The following FANK1 variants were observed in gnomAD, a reference collection of about 807,000 sequenced individuals.
FANK1 encodes fibronectin type 3 and ankyrin repeat domains protein 1.
FANK1 carries 44 observed loss-of-function variants against 45.3 expected under a neutral mutation model. The observed-to-expected ratio is 0.97, with a 90% CI of 0.76 to 1.25. FANK1 has a LOEUF of 1.25. Ranked by LOEUF, FANK1 falls within the 50% of genes most tolerant of loss-of-function variation. The pLI, the probability that FANK1 is intolerant of heterozygous loss-of-function variation, is 0.00. For missense variants in FANK1, 391 were observed against 424.4 expected, an observed-to-expected ratio of 0.92 and a Z score of 0.69; for synonymous variants, 149 against 152.5, an observed-to-expected ratio of 0.98 and a Z score of 0.17.
chr10:125,996,600 T>C lies in FANK1; in HGVS notation c.449T>C (p.Val150Ala), dbSNP rs376379168. ...PNKFGFTALM[V>A]AAQKGYTRLV... ...AAGTTTGGCTTTACCGCTCTGATGG[T>C]TGCTGCCCAGAAAGGATACACCAGG... Residue 150 changes from valine to alanine, a missense_variant, in exon 5 of 11, where the codon GTT becomes GCT. By Grantham distance (64) the Val-to-Ala change is moderately conservative. Transcript: ENST00000368693. 45 of 1,614,104 alleles carry C rather than the reference T, an allele frequency of 2.8e-5. No homozygotes were observed. Among genetic ancestry groups the C allele is most frequent in the African/African-American group, 6.7e-5 (5 of 74,938 alleles).
intron 1 of FANK1, among the ~76,000 whole-genome samples, chr10:125,899,778 A>C (rs1944884950): frequency 2.0e-5 from 3 of 152,178 alleles, no homozygotes; most frequent in Non-Finnish European, 4.4e-5. Context: ...GTTTATGCCG[A>C]TATTATCTAA....
intron 1 of FANK1, among the ~76,000 whole-genome samples, chr10:125,979,464 G>A (rs56266020): frequency 0.4 from 60,394 of 152,010 alleles, 12,187 homozygotes; most frequent in South Asian, 0.46. Context: ...CTAAAAAGGC[G>A]ATAATTCATA....
At chr10:125,979,101 G>A (rs115632046) in intron 1 of FANK1, among the ~76,000 whole-genome samples, 9 of 152,130 alleles carry the variant, frequency 5.9e-5, no homozygotes, top group African/African-American at 2.2e-4. Flanking sequence ...ATGGTTTCTG[G>A]GTCGCTCATT....
chr10:125,984,677 G>T, intron 2 of FANK1, among the ~76,000 whole-genome samples: 1 of 152,194 alleles, frequency 6.6e-6, no homozygotes, highest in Non-Finnish European at 1.5e-5. Flanking sequence ...TTCTGGGGGA[G>T]GGAGTTTAGA....
chr10:125,997,751 G>A (rs1031091861), intron 6 of FANK1, among the ~76,000 whole-genome samples: 8 of 152,218 alleles, frequency 5.3e-5, no homozygotes, highest in East Asian at 1.9e-4. Flanking sequence ...CAGTGGACAC[G>A]CAGTGCACGG....
At chr10:126,006,461 G>C (rs1229439771) in intron 7 of FANK1, among the ~76,000 whole-genome samples, 3 of 152,222 alleles carry the variant, frequency 2.0e-5, no homozygotes, top group African/African-American at 7.2e-5. Flanking sequence ...ATGTGTGGTA[G>C]TGACAGCCAC....
At chr10:125,920,611 C>T (rs201291092) in intron 1 of FANK1, among the ~76,000 whole-genome samples, 1 of 152,060 alleles carries the variant, frequency 6.6e-6, no homozygotes, top group South Asian at 2.1e-4. Context: ...AAATAATGAT[C>T]GTAGATAGAT....
intron 9 of FANK1, 37 bp from the exon 10 acceptor site, chr10:126,009,181 CATTT>C (rs746746090): frequency 3.7e-6 from 6 of 1,614,084 alleles, no homozygotes; most frequent in Admixed American, 1.7e-5. Context: ...GGGGAGAAAA[CATTT>C]ATAAGCATGT....
intron 1 of FANK1, among the ~76,000 whole-genome samples, chr10:125,953,529 G>A (rs1200301875): frequency 1.3e-5 from 2 of 152,276 alleles, no homozygotes; most frequent in East Asian, 3.9e-4. Flanking sequence ...TGGAGAATGA[G>A]TTCCTATGCG....
intron 4 of FANK1, 76 bp downstream of exon 4, chr10:125,995,574 T>C (rs1363245336): frequency 7.1e-7 from 1 of 1,415,000 alleles, no homozygotes; most frequent in African/African-American, 1.4e-5. Context: ...TAGTTTCATT[T>C]TGTTTTCCTA....
intron 1 of FANK1, among the ~76,000 whole-genome samples, chr10:125,930,439 C>T (rs993041572): frequency 5.3e-5 from 8 of 152,002 alleles, no homozygotes; most frequent in Non-Finnish European, 1.0e-4. Context: ...CTGGCTCAAG[C>T]AATCCTCCCA....
At chr10:125,922,469 C>T (rs918465129) in intron 1 of FANK1, among the ~76,000 whole-genome samples, 1 of 152,180 alleles carries the variant, frequency 6.6e-6, no homozygotes, top group African/African-American at 2.4e-5. Context: ...AATGACAGGC[C>T]GTAGCATACA....
At chr10:126,004,729 T>C (rs1317099079) in intron 6 of FANK1, 155 bp from the exon 7 acceptor site, 1 of 660,750 alleles carries the variant, frequency 1.5e-6, no homozygotes, top group African/African-American at 1.8e-5. Flanking sequence ...ATTTTGTACA[T>C]CAGTTGATGG....
chr10:125,920,092 C>T lies in FANK1; in HGVS notation c.13+23437C>T, dbSNP rs551523346. Among the ~76,000 whole-genome samples the T allele has an allele frequency of 1.7e-4, 26 of 151,540 alleles. No homozygotes were observed. The South Asian group carries it at 5.4e-3, about 31-fold the overall frequency. On this transcript the variant is annotated intron_variant, in intron 1 of 10. Coordinates refer to ENST00000368693, the MANE Select transcript of FANK1 (RefSeq NM_145235.5). ...GGAGATGACTCCTGTCTCTCGTACT[C>T]TCTGTGGCTCTGCTTTCTGTTATTT...
At chr10:125,972,589 C>G (rs914788271) in intron 1 of FANK1, 2 of 152,196 alleles carry the variant, frequency 1.3e-5, no homozygotes, top group Non-Finnish European at 2.9e-5. Context: ...TGAGGTCATT[C>G]ATTCATGACC....
intron 1 of FANK1, chr10:125,907,523 GTTTC>G (rs1945625277): frequency 1.0e-6 from 1 of 984,916 alleles, no homozygotes. Flanking sequence ...TCTGTGACTT[GTTTC>G]TAACTGACGT....
At chr10:125,975,206 A>C (rs550736940) in intron 1 of FANK1, among the ~76,000 whole-genome samples, 1 of 152,210 alleles carries the variant, frequency 6.6e-6, no homozygotes, top group Non-Finnish European at 1.5e-5. Flanking sequence ...ATAATATTTC[A>C]TAGTGTATAT....
At chr10:125,934,879 T>TTGC (rs1361817056) in intron 1 of FANK1, among the ~76,000 whole-genome samples, 4 of 151,992 alleles carry the variant, frequency 2.6e-5, no homozygotes, top group Non-Finnish European at 5.9e-5. Flanking sequence ...GAATTGCCAG[T>TTGC]TGCTGCTGCT....
intron 2 of FANK1, among the ~76,000 whole-genome samples, chr10:125,981,966 T>C (rs909904983): frequency 5.9e-5 from 9 of 152,264 alleles, no homozygotes; most frequent in African/African-American, 2.2e-4. Flanking sequence ...ACTTGAGTGA[T>C]AATATATCTG....
Sources: allele counts gnomAD v4.1 joint callset (sites outside exome capture counted in the v4.1 genomes callset), GRCh38; gene constraint gnomAD v4.1.1; transcripts MANE v1.5; gene names NCBI Gene and HGNC (gene_info 2026-07-23, HGNC 2026-07-21).